DEK: variants seen among roughly 807,000 people sequenced by gnomAD.
The protein encoded by DEK is DEK proto-oncogene.
Under a neutral mutation model 46.8 loss-of-function variants are expected in DEK, and 28 were observed. That is an observed-to-expected ratio of 0.60 (90% CI 0.44 to 0.82). DEK has a LOEUF of 0.82. Among genes scored for constraint, DEK ranks in the 40% least tolerant of loss-of-function variants. The probability of loss-of-function intolerance (pLI) is 0.00; values close to 1 mark genes in which losing one functional copy is unlikely to be tolerated. For synonymous variants in DEK, 160 were observed against 144.5 expected, an observed-to-expected ratio of 1.11 and a Z score of -0.77; for missense variants, 416 against 430.6, an observed-to-expected ratio of 0.97 and a Z score of 0.30.
At position 18,225,627 on chromosome 6, in the gene DEK, T is replaced by C; in HGVS notation, c.*92A>G. On this transcript the variant is annotated 3_prime_UTR_variant, in exon 11 of 11. Transcript: ENST00000652689. ...TCTACTAACGTTGCTTAACAAGGATTTAGAAAAGGAAATACATTCTCTTTG... is the reference window on the plus strand; with the variant it reads ...TCTACTAACGTTGCTTAACAAGGATCTAGAAAAGGAAATACATTCTCTTTG... The C allele has an allele frequency of 7.0e-7, 1 of 1,436,460 alleles. No individual in the cohort carries two copies. Among genetic ancestry groups the C allele is most frequent in the South Asian group, 1.3e-5 (1 of 75,420 alleles). The allele number at this position is 1,436,460 out of a possible 1,614,324, so 89.0% of individuals were successfully genotyped here. A position where few individuals can be genotyped will look rare whatever the true frequency, so the allele number is the denominator to read the frequency against.
Position 18,243,900 on chromosome 6 carries a change from A to G in DEK, c.762+5751T>C, listed in dbSNP as rs1375148233. ...CAGGATCACTTGAACCCTGGAGTTC[A>G]AGGCTGCAGTGAGCCATGATCTCAC... On this transcript the variant is annotated intron_variant, in intron 7 of 10. Transcript: ENST00000652689. Among the ~76,000 whole-genome samples, 3 of 152,160 alleles carry G rather than the reference A, an allele frequency of 2.0e-5. 1 individual carries two copies.
At chr6:18,248,849 T>C (rs1273783108) in intron 7 of DEK, among the ~76,000 whole-genome samples, 12 of 152,206 alleles carry the variant, frequency 7.9e-5, no homozygotes, top group Non-Finnish European at 1.5e-5. Flanking sequence ...TTAAGAATCA[T>C]CTGGTCCAAA....
chr6:18,226,331 C>T (rs1790123525), intron 9 of DEK, 89 bp from the exon 10 acceptor site: 25 of 1,123,090 alleles, frequency 2.2e-5, no homozygotes, highest in Admixed American at 8.4e-5. Flanking sequence ...AAATCTGCTA[C>T]GTGCAAATAG....
rs1210863165 is a variant in DEK at position 18,239,548 on chromosome 6, T to TAC, written c.763-2034_763-2033dup. The stretch of plus-strand genomic sequence containing the variant: ...ATACAAGCCTATCATCACCCTGCAC[T>TAC]ACCTCAACAATATACCACTGGCTGG... On this transcript the variant is annotated intron_variant, in intron 7 of 10. Coordinates refer to ENST00000652689, the MANE Select transcript of DEK (RefSeq NM_003472.4). 5.9e-5 allele frequency among the ~76,000 whole-genome samples: 9 copies of TAC among 152,016 alleles called. 1 individual carries two copies. Among genetic ancestry groups the TAC allele is most frequent in the Admixed American group, 4.6e-4 (7 of 15,250 alleles).
intron 9 of DEK, among the ~76,000 whole-genome samples, chr6:18,229,772 G>T (rs561753382): frequency 3.3e-5 from 5 of 152,294 alleles, no homozygotes; most frequent in African/African-American, 1.2e-4. Flanking sequence ...TGAAAGTGAC[G>T]GGGAGAATGG....
chr6:18,249,407 C>A (rs1038687026), intron 7 of DEK, among the ~76,000 whole-genome samples: 2 of 152,170 alleles, frequency 1.3e-5, no homozygotes, highest in East Asian at 1.9e-4. Flanking sequence ...TCTTCAACGT[C>A]CAGCTCAAGG....
intron 10 of DEK, 124 bp downstream of exon 10, chr6:18,226,050 G>A (rs1790111006): frequency 1.1e-6 from 1 of 911,884 alleles, no homozygotes; most frequent in Admixed American, 4.1e-5. Flanking sequence ...TCCCTATTAT[G>A]AAGAAATGTG....
At chr6:18,232,334 T>C in intron 9 of DEK, among the ~76,000 whole-genome samples, 1 of 152,144 alleles carries the variant, frequency 6.6e-6, no homozygotes, top group Non-Finnish European at 1.5e-5. Flanking sequence ...ACCACTCCTA[T>C]TCAACATAGT....
intron 4 of DEK, among the ~76,000 whole-genome samples, chr6:18,257,128 T>C (rs947662073): frequency 6.6e-6 from 1 of 152,190 alleles, no homozygotes; most frequent in African/African-American, 2.4e-5. Flanking sequence ...CAAAGAACTA[T>C]CATCCAATTT....
chr6:18,241,255 G>A (rs1050506599), intron 7 of DEK, among the ~76,000 whole-genome samples: 1 of 152,156 alleles, frequency 6.6e-6, no homozygotes, highest in Admixed American at 6.6e-5. Flanking sequence ...GACAATTTTT[G>A]TCTGTCAAGG....
intron 7 of DEK, chr6:18,244,606 G>C (rs1254952733): frequency 3.9e-6 from 5 of 1,276,080 alleles, no homozygotes; most frequent in Non-Finnish European, 5.1e-6. Flanking sequence ...AGGTTGTACT[G>C]GGTGAACAGA....
chr6:18,230,000 G>A (rs1185600773), intron 9 of DEK, among the ~76,000 whole-genome samples: 1 of 152,186 alleles, frequency 6.6e-6, no homozygotes, highest in Non-Finnish European at 1.5e-5. Flanking sequence ...TACCCACAAA[G>A]GGAAGCCCAT....
At position 18,236,638 on chromosome 6, in the gene DEK, G is replaced by A. The variant is rs780629583; in HGVS notation, c.899-38C>T. ...TAATAATAATAATTTTTCTTACATA[G>A]TAAATTAACATTTAACAAAGGCTGA... On this transcript the variant is annotated intron_variant, in intron 8 of 10. Transcript: ENST00000652689. The A allele has an allele frequency of 3.8e-6, 5 of 1,299,114 alleles. No homozygotes were observed. The Admixed American group carries it at 1.5e-4, about 38-fold the overall frequency. The allele number at this position is 1,299,114 out of a possible 1,614,324, so 80.5% of individuals were successfully genotyped here.
At chr6:18,242,928 G>A (rs908348979) in intron 7 of DEK, among the ~76,000 whole-genome samples, 10 of 152,106 alleles carry the variant, frequency 6.6e-5, no homozygotes, top group Non-Finnish European at 1.5e-4. Context: ...CTCAAACTGC[G>A]AAAGTTATGG....
chr6:18,235,934 C>T (rs1012545678), intron 9 of DEK, among the ~76,000 whole-genome samples: 1 of 152,152 alleles, frequency 6.6e-6, no homozygotes, highest in Non-Finnish European at 1.5e-5. Flanking sequence ...TTTTATTTTA[C>T]CCCAACAGAC....
chr6:18,229,658 CGAGAA>C (rs887768721), intron 9 of DEK, among the ~76,000 whole-genome samples: 25 of 151,906 alleles, frequency 1.6e-4, no homozygotes, highest in African/African-American at 6.0e-4. Flanking sequence ...TGAAATGAAG[CGAGAA>C]GAGAAGTCTG....
intron 9 of DEK, among the ~76,000 whole-genome samples, chr6:18,228,389 C>T (rs190648244): frequency 1.3e-4 from 20 of 152,086 alleles, no homozygotes; most frequent in Admixed American, 7.2e-4. Context: ...TTGTTTGCCC[C>T]GGGAGGTTCC....
In DEK at chr6:18,224,233, C is replaced by T. The variant is rs1790009961; in HGVS notation, c.*1486G>A. 5.6e-6 allele frequency: 1 copy of T among 178,914 alleles called. No individual in the cohort carries two copies. Among genetic ancestry groups the T allele is most frequent in the Admixed American group, 6.3e-5 (1 of 15,870 alleles). 11.1% of individuals were successfully genotyped at this position (178,914 alleles called of 1,614,324 possible). A position where few individuals can be genotyped will look rare whatever the true frequency, so the allele number is the denominator to read the frequency against. On this transcript the variant is annotated 3_prime_UTR_variant, in exon 11 of 11. Transcript: ENST00000652689. ...GTTTATAAGAACAAATATTTAAAAT[C>T]GAAGGCCAATTATTAGGTCTCATTT...
At chr6:18,236,634 C>G in intron 8 of DEK, 34 bp from the exon 9 acceptor site, 1 of 1,321,052 alleles carries the variant, frequency 7.6e-7, no homozygotes, top group Non-Finnish European at 1.0e-6. Context: ...ATTTTTCTTA[C>G]ATAGTAAATT....
Sources: allele counts gnomAD v4.1 joint callset (sites outside exome capture counted in the v4.1 genomes callset), GRCh38; gene constraint gnomAD v4.1.1; transcripts MANE v1.5; gene names NCBI Gene and HGNC (gene_info 2026-07-23, HGNC 2026-07-21).